Variants in HS3ST4 observed in about 807,000 individuals in gnomAD.
HS3ST4 encodes the protein heparan sulfate-glucosamine 3-sulfotransferase 4.
HS3ST4 carries 17 observed loss-of-function variants against 29.2 expected under a neutral mutation model. That is an observed-to-expected ratio of 0.58 (90% CI 0.40 to 0.87). The LOEUF is 0.87. Ranked by LOEUF, HS3ST4 falls within the 40% of genes least tolerant of loss-of-function variation. The pLI, the probability that HS3ST4 is intolerant of heterozygous loss-of-function variation, is 0.00. For synonymous variants in HS3ST4, 314 were observed against 285.7 expected (o/e 1.10, Z -1.00); for missense variants, 627 against 634.5 (o/e 0.99, Z 0.13).
chr16:25,718,116 A>T (rs1043788416), intron 1 of HS3ST4, among the ~76,000 whole-genome samples: 1 of 152,174 alleles, frequency 6.6e-6, no homozygotes, highest in Non-Finnish European at 1.5e-5. Context: ...AACCATAAGG[A>T]CAGGAGCAGG....
At chr16:26,049,611 G>C (rs1213813714) in intron 1 of HS3ST4, among the ~76,000 whole-genome samples, 1 of 151,998 alleles carries the variant, frequency 6.6e-6, no homozygotes, top group South Asian at 2.1e-4. Context: ...CACCAAGCAA[G>C]CAAGCAAGCA....
At chr16:25,770,758 G>A (rs1271417878) in intron 1 of HS3ST4, among the ~76,000 whole-genome samples, 1 of 152,178 alleles carries the variant, frequency 6.6e-6, no homozygotes, top group Non-Finnish European at 1.5e-5. Context: ...ACCAGTTAAA[G>A]CTTCGATGGA....
At chr16:26,107,459 A>G (rs1239410809) in intron 1 of HS3ST4, among the ~76,000 whole-genome samples, 2 of 152,146 alleles carry the variant, frequency 1.3e-5, no homozygotes, top group Non-Finnish European at 2.9e-5. Context: ...AATGTATAGT[A>G]GCAGAGTCTG....
intron 1 of HS3ST4, among the ~76,000 whole-genome samples, chr16:25,897,734 G>A (rs1968082885): frequency 1.3e-5 from 2 of 152,050 alleles, no homozygotes; most frequent in Non-Finnish European, 2.9e-5. Context: ...TTCTGCCTGG[G>A]GGAGGTGCTG....
In HS3ST4 at chr16:25,715,178, C is replaced by T. The variant is rs529382389; in HGVS notation, c.734+22027C>T. ...TCTACTAAAAATACAAAAAATTAGC[C>T]GGGCGCGGTGGCGGGCGCCTGTAGT... is the stretch of plus-strand genomic sequence containing the variant. On this transcript the variant is annotated intron_variant, in intron 1 of 1. Transcript: ENST00000331351. Among the ~76,000 whole-genome samples, 595 of 151,764 alleles carry T rather than the reference C, an allele frequency of 3.9e-3. 2 individuals carry two copies. Among genetic ancestry groups the T allele is most frequent in the African/African-American group, 0.013 (536 of 41,430 alleles).
At chr16:25,841,736 A>G (rs1025612797) in intron 1 of HS3ST4, among the ~76,000 whole-genome samples, 8 of 152,294 alleles carry the variant, frequency 5.3e-5, no homozygotes, top group African/African-American at 1.7e-4. Context: ...CCAGTCTATG[A>G]GTTTCCAATG....
At chr16:25,750,435 G>A (rs897687191) in intron 1 of HS3ST4, among the ~76,000 whole-genome samples, 2 of 152,172 alleles carry the variant, frequency 1.3e-5, no homozygotes, top group African/African-American at 4.8e-5. Flanking sequence ...TTTTCCATGG[G>A]AGAAATGTCA....
chr16:25,774,513 C>G (rs921795346), intron 1 of HS3ST4, among the ~76,000 whole-genome samples: 8 of 152,194 alleles, frequency 5.3e-5, no homozygotes, highest in Non-Finnish European at 1.2e-4. Context: ...ACCAAGAACC[C>G]TAAGGCCAGA....
intron 1 of HS3ST4, among the ~76,000 whole-genome samples, chr16:25,912,689 G>C (rs1968252981): frequency 6.6e-6 from 1 of 152,142 alleles, no homozygotes; most frequent in Non-Finnish European, 1.5e-5. Context: ...TGAGTCCTGG[G>C]TCGGCTTAAT....
chr16:25,913,873 G>A (rs1274945487), intron 1 of HS3ST4, among the ~76,000 whole-genome samples: 4 of 149,962 alleles, frequency 2.7e-5, no homozygotes, highest in Non-Finnish European at 5.9e-5. Flanking sequence ...GTGGGGGTGT[G>A]TGTGGGGTAT....
At chr16:26,022,520 C>T (rs1445291724) in intron 1 of HS3ST4, among the ~76,000 whole-genome samples, 1 of 152,086 alleles carries the variant, frequency 6.6e-6, no homozygotes, top group Non-Finnish European at 1.5e-5. Context: ...TCCAGGAGGC[C>T]ACCTGCTCTA....
In HS3ST4 at chr16:26,107,495, G is replaced by A. The variant is rs564936899; in HGVS notation, c.735-28117G>A. On this transcript the variant is annotated intron_variant, in intron 1 of 1. Coordinates refer to ENST00000331351, the MANE Select transcript of HS3ST4 (RefSeq NM_006040.3). ...ATATTTCAGTGCACCTGTCACTGGA[G>A]TAGTGTATATTGTAGCCAAAATATA... 6.6e-5 allele frequency among the ~76,000 whole-genome samples: 10 copies of A among 152,280 alleles called. No individual in the cohort carries two copies. The South Asian group carries it at 2.1e-3, about 32-fold the overall frequency.
At chr16:25,856,705 T>C (rs1277936326) in intron 1 of HS3ST4, among the ~76,000 whole-genome samples, 1 of 152,218 alleles carries the variant, frequency 6.6e-6, no homozygotes, top group Non-Finnish European at 1.5e-5. Flanking sequence ...TGAATTTGTG[T>C]TGGGCTGCAT....
intron 1 of HS3ST4, among the ~76,000 whole-genome samples, chr16:25,980,798 G>T (rs528739589): frequency 1.3e-5 from 2 of 152,126 alleles, no homozygotes; most frequent in African/African-American, 4.8e-5. Context: ...AGCACACCAC[G>T]CCACTCAGGG....
intron 1 of HS3ST4, among the ~76,000 whole-genome samples, chr16:25,824,123 G>A (rs1249417956): frequency 6.6e-6 from 1 of 152,158 alleles, no homozygotes; most frequent in African/African-American, 2.4e-5. Context: ...TGGGCTGAGA[G>A]GGCCCTGGCT....
chr16:25,958,950 C>T (rs138011122), intron 1 of HS3ST4, among the ~76,000 whole-genome samples: 224 of 152,308 alleles, frequency 1.5e-3, no homozygotes, highest in African/African-American at 5.2e-3. Flanking sequence ...CACATTGTAT[C>T]GTAACCATAA....
chr16:25,789,448 TTCCTTCCTTCCTTCCTTCC>T (rs1567240211), intron 1 of HS3ST4, among the ~76,000 whole-genome samples: 2,326 of 58,322 alleles, frequency 0.04, 178 homozygotes, highest in African/African-American at 0.13. Flanking sequence ...CCTTCCTTCC[TTCCTTCCTTCCTTCCTTCC>T]TTCTTTCTTT....
At chr16:26,022,044 C>G (rs183855355) in intron 1 of HS3ST4, among the ~76,000 whole-genome samples, 140 of 152,180 alleles carry the variant, frequency 9.2e-4, no homozygotes, top group African/African-American at 3.3e-3. Context: ...TCCACTGCAG[C>G]CTTGAACTTC....
intron 1 of HS3ST4, among the ~76,000 whole-genome samples, chr16:26,011,067 A>G (rs117373724): frequency 0.066 from 10,022 of 152,246 alleles, 432 homozygotes; most frequent in Non-Finnish European, 0.1. Context: ...AAGGAAAACA[A>G]GTCCAGGCCT....
Sources: allele counts gnomAD v4.1 joint callset (sites outside exome capture counted in the v4.1 genomes callset), GRCh38; gene constraint gnomAD v4.1.1; transcripts MANE v1.5; gene names NCBI Gene and HGNC (gene_info 2026-07-23, HGNC 2026-07-21).